Variants in APP observed in about 807,000 individuals in gnomAD.
The protein encoded by APP is amyloid beta precursor protein, also known as amyloid-beta precursor protein.
APP carries 31 observed loss-of-function variants against 101.4 expected under a neutral mutation model. That is an observed-to-expected ratio of 0.31 (90% CI 0.23 to 0.41). APP has a LOEUF of 0.41. Among genes scored for constraint, APP ranks in the 10% least tolerant of loss-of-function variants. The pLI is 1.00. For synonymous variants in APP, 366 were observed against 364.4 expected (o/e 1.00, Z -0.05); for missense variants, 839 against 1,003.7 (o/e 0.84, Z 2.22).
intron 11 of APP, among the ~76,000 whole-genome samples, chr21:25,969,454 T>C (rs1218044535): frequency 1.3e-5 from 2 of 150,274 alleles, no homozygotes; most frequent in African/African-American, 4.9e-5. Flanking sequence ...AAAACTTAAA[T>C]GAACACCTAA....
chr21:25,972,619 C>T (rs143837045), intron 11 of APP, among the ~76,000 whole-genome samples: 219 of 109,700 alleles, frequency 2.0e-3, no homozygotes, highest in African/African-American at 7.7e-3. Context: ...TCACTGCAGT[C>T]TCGAACTCCT....
intron 11 of APP, among the ~76,000 whole-genome samples, chr21:25,962,425 T>G (rs1002830822): frequency 6.6e-6 from 1 of 152,180 alleles, no homozygotes; most frequent in Admixed American, 6.5e-5. Flanking sequence ...TAATAAATAT[T>G]TGTTAATTAA....
Position 25,988,068 on chromosome 21 carries a change from G to A in APP, c.1091-5591C>T, listed in dbSNP as rs547685186. On this transcript the variant is annotated intron_variant, in intron 8 of 17. Transcript: ENST00000346798. ...GAAAGGTAGACCGCAGTAAGTGAGC[G>A]ACCAGGCAGAGTCTTAAGTGAGGAG... 1.1e-4 allele frequency among the ~76,000 whole-genome samples: 17 copies of A among 152,268 alleles called. No homozygotes were observed. The South Asian group carries it at 2.9e-3, about 26-fold the overall frequency.
At chr21:26,001,413 G>A (rs1203266676) in intron 6 of APP, among the ~76,000 whole-genome samples, 1 of 152,200 alleles carries the variant, frequency 6.6e-6, no homozygotes, top group Non-Finnish European at 1.5e-5. Context: ...AGCACACACA[G>A]ATGTCTTCTT....
At chr21:25,890,723 A>C (rs943364011) in intron 17 of APP, among the ~76,000 whole-genome samples, 3 of 7,120 alleles carry the variant, frequency 4.2e-4, no homozygotes, top group African/African-American at 8.0e-4. Flanking sequence ...AGACTGTCTC[A>C]AAAAAAAAAA....
intron 13 of APP, among the ~76,000 whole-genome samples, chr21:25,943,572 C>T (rs930569169): frequency 7.2e-5 from 11 of 151,980 alleles, no homozygotes; most frequent in Admixed American, 3.3e-4. Flanking sequence ...CCTCAGCCTC[C>T]CGAGTAGCTG....
chr21:25,883,472 A>G (rs921685004), intron 17 of APP, among the ~76,000 whole-genome samples: 1 of 151,356 alleles, frequency 6.6e-6, no homozygotes, highest in Admixed American at 6.6e-5. Context: ...CGGGTGGATC[A>G]CGAGGTCGGG....
intron 1 of APP, among the ~76,000 whole-genome samples, chr21:26,163,239 C>CAAAAAAAAA (rs58816061): frequency 3.4e-5 from 2 of 58,832 alleles, no homozygotes; most frequent in Non-Finnish European, 6.3e-5. Context: ...AACTCAGTCT[C>CAAAAAAAAA]AAAAAAAAAA....
Position 26,012,110 on chromosome 21 carries a change from C to T in APP, c.865+9730G>A, listed in dbSNP as rs8126846. ...AGGCTTGACCTCACCTGGGCTCCAGCGACCCTCCCACCTCAGCCTCCTGAG... is the reference window on the plus strand; with the variant it reads ...AGGCTTGACCTCACCTGGGCTCCAGTGACCCTCCCACCTCAGCCTCCTGAG... On this transcript the variant is annotated intron_variant, in intron 6 of 17. Transcript: ENST00000346798. Among the ~76,000 whole-genome samples, 10 of 151,692 alleles carry T rather than the reference C, an allele frequency of 6.6e-5. 1 individual carries two copies. The highest frequency in any genetic ancestry group is 1.2e-4 in the Non-Finnish European group (8 of 67,902).
At chr21:26,090,483 A>G (rs2061800316) in intron 2 of APP, among the ~76,000 whole-genome samples, 1 of 90 alleles carries the variant, frequency 0.011, no homozygotes, top group Non-Finnish European at 0.028. Context: ...TAGCAAATGA[A>G]CAAGCATCTA....
intron 8 of APP, among the ~76,000 whole-genome samples, chr21:25,985,710 G>A (rs1027329042): frequency 2.6e-5 from 4 of 152,052 alleles, no homozygotes; most frequent in Non-Finnish European, 5.9e-5. Context: ...TTTCTCTGGA[G>A]AACCCTGAGC....
Position 25,881,568 on chromosome 21 carries a change from A to C in APP, c.*102T>G. On this transcript the variant is annotated 3_prime_UTR_variant, in exon 18 of 18. Coordinates refer to ENST00000346798, the MANE Select transcript of APP (RefSeq NM_000484.4). ...CAAAAGGCGATAATGAGTAAATCAT[A>C]AAACGGGTTTGTTTCTTCCCACATT... 1 of 1,341,036 alleles carries C rather than the reference A, an allele frequency of 7.5e-7. No individual in the cohort carries two copies. Among genetic ancestry groups the C allele is most frequent in the South Asian group, 1.2e-5 (1 of 85,308 alleles). The allele number at this position is 1,341,036 out of a possible 1,614,324, so 83.1% of individuals were successfully genotyped here. A position where few individuals can be genotyped will look rare whatever the true frequency, so the allele number is the denominator to read the frequency against.
chr21:25,907,961 G>C (rs1185390512), intron 14 of APP, among the ~76,000 whole-genome samples: 4 of 152,156 alleles, frequency 2.6e-5, no homozygotes, highest in African/African-American at 9.7e-5. Context: ...AGTCTTATAA[G>C]ACCTGCTTTG....
chr21:26,170,659 A>T lies in APP; in HGVS notation c.-39T>A, dbSNP rs1440166775. On this transcript the variant is annotated 5_prime_UTR_variant, in exon 1 of 18. Coordinates refer to ENST00000346798, the MANE Select transcript of APP (RefSeq NM_000484.4). Reference sequence around the variant, plus strand: ...GGGGCACCGAGTGCGCTGCTGTGCGAGTGGGATCCGCCGCGTCCTTGCTCT... The same window carrying T: ...GGGGCACCGAGTGCGCTGCTGTGCGTGTGGGATCCGCCGCGTCCTTGCTCT... 1 of 1,519,988 alleles carries T rather than the reference A, an allele frequency of 6.6e-7. No individual in the cohort carries two copies. Among genetic ancestry groups the T allele is most frequent in the Admixed American group, 2.0e-5 (1 of 49,708 alleles). The allele number at this position is 1,519,988 out of a possible 1,614,324, so 94.2% of individuals were successfully genotyped here.
chr21:26,085,097 GAT>G (rs1223937268), intron 3 of APP, among the ~76,000 whole-genome samples: 1 of 152,192 alleles, frequency 6.6e-6, no homozygotes, highest in African/African-American at 2.4e-5. Flanking sequence ...ACTGTTGGGA[GAT>G]AAACACTGAT....
chr21:26,162,657 A>G (rs1264273077), intron 1 of APP, among the ~76,000 whole-genome samples: 2 of 151,788 alleles, frequency 1.3e-5, no homozygotes, highest in Non-Finnish European at 2.9e-5. Context: ...TAGTTATTCA[A>G]TGTTTGAAAT....
intron 5 of APP, among the ~76,000 whole-genome samples, chr21:26,023,373 T>TAAAA (rs35579863): frequency 3.0e-4 from 33 of 109,792 alleles, no homozygotes; most frequent in African/African-American, 1.1e-3. Flanking sequence ...CCAAAAAAAT[T>TAAAA]AAAAAAAAAA....
intron 1 of APP, among the ~76,000 whole-genome samples, chr21:26,167,198 C>T (rs1000547646): frequency 2.0e-5 from 3 of 151,980 alleles, no homozygotes; most frequent in African/African-American, 7.3e-5. Context: ...TAGTACATTC[C>T]ACTTTGTTTT....
intron 1 of APP, among the ~76,000 whole-genome samples, chr21:26,117,649 T>G (rs1282705035): frequency 6.6e-6 from 1 of 152,082 alleles, no homozygotes. Flanking sequence ...AAATGGAAAA[T>G]TGCAATTTTC....
Sources: allele counts gnomAD v4.1 joint callset (sites outside exome capture counted in the v4.1 genomes callset), GRCh38; gene constraint gnomAD v4.1.1; transcripts MANE v1.5; gene names NCBI Gene and HGNC (gene_info 2026-07-23, HGNC 2026-07-21).